MACROD1: variants seen among roughly 807,000 people sequenced by gnomAD.
MACROD1 encodes mono-ADP ribosylhydrolase 1, also known as ADP-ribose glycohydrolase MACROD1.
A neutral mutation model predicts 41.4 loss-of-function variants in MACROD1; 31 were observed. That is an observed-to-expected ratio of 0.75 (90% CI 0.56 to 1.01). The LOEUF (loss-of-function observed/expected upper bound fraction) is 1.01, where lower values mean the gene tolerates loss of function less well. Among genes scored for constraint, MACROD1 ranks in the 50% least tolerant of loss-of-function variants. The pLI is 0.00. For synonymous variants in MACROD1, 252 were observed against 203.4 expected (o/e 1.24, Z -2.03); for missense variants, 473 against 460.0 (o/e 1.03, Z -0.26).
At position 64,071,333 on chromosome 11, in the gene MACROD1, T is replaced by C. The variant is rs938756887; in HGVS notation, c.518-56052A>G. ...CTGATTCCAGCTGGGATCCCAGACC[T>C]GCGGTCTCAATCTCTGGGCCCAGCA... On this transcript the variant is annotated intron_variant, in intron 3 of 10. Transcript: ENST00000255681. 5.1e-4 allele frequency among the ~76,000 whole-genome samples: 77 copies of C among 152,128 alleles called. 4 individuals are homozygous for C. The highest frequency in any genetic ancestry group is 1.3e-4 in the Non-Finnish European group (9 of 68,000).
At chr11:64,010,001 A>ATTGGTTGGGGTG (rs1167856801) in intron 4 of MACROD1, among the ~76,000 whole-genome samples, 1 of 123,260 alleles carries the variant, frequency 8.1e-6, no homozygotes, top group Non-Finnish European at 1.7e-5. Flanking sequence ...TGCCTGGGGT[A>ATTGGTTGGGGTG]TTGGTTGGGG....
At position 64,165,966 on chromosome 11, in the gene MACROD1, C is replaced by G; in HGVS notation, c.29G>C (p.Arg10Pro). 1 of 1,295,828 alleles carries G rather than the reference C, an allele frequency of 7.7e-7. No individual in the cohort carries two copies. The highest frequency in any genetic ancestry group is 2.9e-4 in the Middle Eastern group (1 of 3,414). The allele number at this position is 1,295,828 out of a possible 1,614,324, so 80.3% of individuals were successfully genotyped here. A position where few individuals can be genotyped will look rare whatever the true frequency, so the allele number is the denominator to read the frequency against. Residue 10 changes from arginine to proline, a missense_variant, in exon 1 of 11, where the codon CGC becomes CCC. Arg to Pro is a moderately radical substitution (Grantham distance 103, BLOSUM62 -2). Transcript: ENST00000255681. ...CCCCGCCGCGCGCAGCTGTGCCAGG[C>G]GGCCGGACAGTCGGCTCTGTAGAGA... MSLQSRLSGRLAQLRAAGQL... is the reference protein window; with the variant it reads MSLQSRLSGPLAQLRAAGQL...
chr11:64,000,083 G>A, intron 5 of MACROD1, 144 bp downstream of exon 5: 3 of 667,244 alleles, frequency 4.5e-6, no homozygotes, highest in South Asian at 3.8e-5. Context: ...TGTGCGGGGT[G>A]GGGGCCGGGT....
intron 3 of MACROD1, among the ~76,000 whole-genome samples, chr11:64,139,412 C>T (rs1472305169): frequency 1.3e-5 from 2 of 152,212 alleles, no homozygotes; most frequent in East Asian, 3.9e-4. Context: ...ATCATGAGTT[C>T]CTGTATGTCC....
At chr11:64,089,941 C>T (rs747122205) in intron 3 of MACROD1, among the ~76,000 whole-genome samples, 16 of 152,178 alleles carry the variant, frequency 1.1e-4, no homozygotes, top group African/African-American at 2.9e-4. Flanking sequence ...TTGCCCCCCA[C>T]GCCCTGTAAA....
At chr11:64,018,666 A>C (rs1315780373) in intron 3 of MACROD1, among the ~76,000 whole-genome samples, 1 of 152,136 alleles carries the variant, frequency 6.6e-6, no homozygotes, top group African/African-American at 2.4e-5. Flanking sequence ...TGAGCCTCTA[A>C]GTCCCCTCTC....
intron 3 of MACROD1, among the ~76,000 whole-genome samples, chr11:64,027,700 A>G (rs1265906146): frequency 6.6e-6 from 1 of 151,900 alleles, no homozygotes; most frequent in Non-Finnish European, 1.5e-5. Context: ...CCTGGCCCCC[A>G]GTGACCGCTT....
Position 64,036,432 on chromosome 11 carries a change from C to T in MACROD1, c.518-21151G>A, listed in dbSNP as rs1215528910. Among the ~76,000 whole-genome samples the T allele has an allele frequency of 6.6e-6, 1 of 152,122 alleles. No individual in the cohort carries two copies. The highest frequency in any genetic ancestry group is 2.4e-5 in the African/African-American group (1 of 41,440). On this transcript the variant is annotated intron_variant, in intron 3 of 10. Transcript: ENST00000255681. The surrounding 1 kb of genome is among the most constrained non-coding windows in gnomAD (Gnocchi z 5.6). ...GGCCGGCGGCTCAGCTCTCCCGAGCCGAGGCTGGAAAGGGCGGGGGCTCAG... is the reference window on the plus strand; with the variant it reads ...GGCCGGCGGCTCAGCTCTCCCGAGCTGAGGCTGGAAAGGGCGGGGGCTCAG...
chr11:64,073,285 G>A (rs954390692), intron 3 of MACROD1, among the ~76,000 whole-genome samples: 4 of 152,170 alleles, frequency 2.6e-5, no homozygotes, highest in Non-Finnish European at 4.4e-5. Context: ...GTGATCAACC[G>A]GCTGTCACTT....
intron 3 of MACROD1, among the ~76,000 whole-genome samples, chr11:64,061,873 CTTTTTTTT>C (rs57666180): frequency 1.8e-4 from 18 of 99,118 alleles, no homozygotes; most frequent in African/African-American, 5.3e-4. Context: ...ACCACGCTGG[CTTTTTTTT>C]TTTTTTTTTT....
chr11:64,045,336 A>G (rs900640065), intron 3 of MACROD1, among the ~76,000 whole-genome samples: 6 of 152,230 alleles, frequency 3.9e-5, no homozygotes, highest in Admixed American at 3.3e-4. Context: ...TCCTATTAAA[A>G]GCTTTTTCAT....
At chr11:64,059,450 C>G (rs896890656) in intron 3 of MACROD1, among the ~76,000 whole-genome samples, 12 of 152,256 alleles carry the variant, frequency 7.9e-5, no homozygotes, top group African/African-American at 2.6e-4. Flanking sequence ...GACAGGGAAG[C>G]GTGGGCCCAC....
intron 3 of MACROD1, among the ~76,000 whole-genome samples, chr11:64,065,594 C>T (rs1415553229): frequency 3.3e-5 from 5 of 151,002 alleles, no homozygotes; most frequent in Non-Finnish European, 7.4e-5. Context: ...TCAAGACCAT[C>T]CTGGCTAACA....
At chr11:64,110,386 G>T (rs1204729360) in intron 3 of MACROD1, among the ~76,000 whole-genome samples, 1 of 151,812 alleles carries the variant, frequency 6.6e-6, no homozygotes, top group African/African-American at 2.4e-5. Flanking sequence ...GGAGGTCGAG[G>T]CTGCAGTGAG....
rs71045731 is a variant in MACROD1, at chr11:64,064,843, C to CTCATTCAT, written c.518-49570_518-49563dup. 6.7e-3 allele frequency among the ~76,000 whole-genome samples: 1,002 copies of CTCATTCAT among 150,442 alleles called. 6 individuals carry two copies. The highest frequency in any genetic ancestry group is 0.015 in the African/African-American group (629 of 40,868). ...CAAGAGGCTAGAGTTTCACAAGGAC[C>CTCATTCAT]TCATTCATTCATTCATTCATTCATT... On this transcript the variant is annotated intron_variant, in intron 3 of 10. Transcript: ENST00000255681. This position sits in a 1 kb window ranked among gnomAD's most constrained non-coding sequence, Gnocchi z 4.5.
chr11:64,070,757 A>G (rs1256633454), intron 3 of MACROD1, among the ~76,000 whole-genome samples: 2 of 152,202 alleles, frequency 1.3e-5, no homozygotes, highest in African/African-American at 4.8e-5. Flanking sequence ...ATAAAAATGG[A>G]TTTATTTGTT....
chr11:64,125,788 G>A (rs1283666845), intron 3 of MACROD1, among the ~76,000 whole-genome samples: 1 of 152,222 alleles, frequency 6.6e-6, no homozygotes, highest in Non-Finnish European at 1.5e-5. Context: ...AGAACTGGGG[G>A]AGGGCCCCAC....
In MACROD1 at chr11:63,999,767, C is replaced by T. The variant is rs1565188897; in HGVS notation, c.665-4G>A. 2 of 1,603,374 alleles carry T rather than the reference C, an allele frequency of 1.2e-6. No individual in the cohort carries two copies. The highest frequency in any genetic ancestry group is 1.7e-6 in the Non-Finnish European group (2 of 1,178,436). ...GGCCCCACTGTGTGGATGACGTCTA[C>T]GGGGGGCGACGGGGTCAGACCGGCG... On this transcript the variant is annotated splice_region_variant and splice_polypyrimidine_tract_variant and intron_variant, in intron 5 of 10. Coordinates refer to ENST00000255681, the MANE Select transcript of MACROD1 (RefSeq NM_014067.4).
intron 3 of MACROD1, among the ~76,000 whole-genome samples, chr11:64,121,842 G>A (rs1396493889): frequency 1.3e-5 from 2 of 152,142 alleles, no homozygotes; most frequent in Admixed American, 1.3e-4. Context: ...ATTTAAGGCA[G>A]GTTTAAAGTT....
Sources: allele counts gnomAD v4.1 joint callset (sites outside exome capture counted in the v4.1 genomes callset), GRCh38; gene constraint gnomAD v4.1.1; non-coding constraint Gnocchi (gnomAD v3.1); transcripts MANE v1.5; gene names NCBI Gene and HGNC (gene_info 2026-07-23, HGNC 2026-07-21).